NRXN2: variants seen among roughly 807,000 people sequenced by gnomAD.
NRXN2 encodes the protein neurexin-2-beta.
Under a neutral mutation model 128.8 loss-of-function variants are expected in NRXN2, and 29 were observed. The observed-to-expected ratio is 0.23, with a 90% CI of 0.17 to 0.31. The LOEUF is 0.31. NRXN2 is among the 10% of genes least tolerant of loss of function. The probability of loss-of-function intolerance (pLI) is 1.00; values close to 1 mark genes in which losing one functional copy is unlikely to be tolerated. For missense variants in NRXN2, 1,881 were observed against 2,452.6 expected (o/e 0.77, Z 4.92); for synonymous variants, 1,098 against 1,075.2 (o/e 1.02, Z -0.41).
In NRXN2 at chr11:64,714,972, G is replaced by A. The variant is rs1267678439; in HGVS notation, c.-244-1029C>T. ...TTTTGGGGAGGGAGGGAGAGAAGGA[G>A]GTGGGGAGAAGCCTGGGAGAGAAGC... On this transcript the variant is annotated intron_variant, in intron 1 of 22. Coordinates refer to ENST00000265459, the MANE Select transcript of NRXN2 (RefSeq NM_015080.4). The surrounding 1 kb of genome is among the most constrained non-coding windows in gnomAD (Gnocchi z 4.5). 2.0e-5 allele frequency among the ~76,000 whole-genome samples: 3 copies of A among 152,026 alleles called. No individual in the cohort carries two copies. Among genetic ancestry groups the A allele is most frequent in the South Asian group, 2.1e-4 (1 of 4,822 alleles).
chr11:64,654,719 G>T (rs1417012658), intron 11 of NRXN2, among the ~76,000 whole-genome samples: 1 of 152,216 alleles, frequency 6.6e-6, no homozygotes, highest in Admixed American at 6.5e-5. Flanking sequence ...CCAGATTTAA[G>T]GCCTTTAGGA....
At chr11:64,608,228 C>G (rs2040020877) in intron 22 of NRXN2, 146 bp from the exon 23 acceptor site, 1 of 690,472 alleles carries the variant, frequency 1.4e-6, no homozygotes, top group African/African-American at 1.8e-5. Flanking sequence ...TGGGCCCGCC[C>G]GCCAGCCGGC....
chr11:64,720,156 C>A (rs1241321452), intron 1 of NRXN2, among the ~76,000 whole-genome samples: 1 of 152,250 alleles, frequency 6.6e-6, no homozygotes, highest in Non-Finnish European at 1.5e-5. Flanking sequence ...CCTTCACCCT[C>A]ACCCCACCAT....
At chr11:64,715,669 A>G (rs1219296738) in intron 1 of NRXN2, among the ~76,000 whole-genome samples, 1 of 152,014 alleles carries the variant, frequency 6.6e-6, no homozygotes, top group African/African-American at 2.4e-5. Context: ...CCAGCTCCTG[A>G]CTGCTGCCCT....
At chr11:64,643,756 C>T (rs895650903) in intron 17 of NRXN2, among the ~76,000 whole-genome samples, 4 of 151,864 alleles carry the variant, frequency 2.6e-5, no homozygotes, top group African/African-American at 7.2e-5. Flanking sequence ...GCGCGCCCGC[C>T]CCTCCCCCGC....
rs760623636 is a variant in NRXN2, at chr11:64,620,277, G to T, written c.4252+17C>A. 37 of 1,545,620 alleles carry T rather than the reference G, an allele frequency of 2.4e-5. No individual in the cohort carries two copies. Among genetic ancestry groups the T allele is most frequent in the Non-Finnish European group, 3.1e-5 (35 of 1,142,256 alleles). On this transcript the variant is annotated intron_variant, in intron 22 of 22. Transcript: ENST00000265459. ...CGCAGAGGGACCCGGGGCAGGGGAG[G>T]GGGGAAAGGCACTCACCAGTACTGG...
At position 64,718,667 on chromosome 11, in the gene NRXN2, C is replaced by T. The variant is rs556388184; in HGVS notation, c.-245+4304G>A. 2.9e-3 allele frequency among the ~76,000 whole-genome samples: 442 copies of T among 152,184 alleles called. 2 individuals are homozygous for T. The highest frequency in any genetic ancestry group is 0.01 in the African/African-American group (424 of 41,512). ...AGAGAGGCTCGGTGTGGGGGAGGCTCTTGAATCATATGGAAGAGGACAGCA... is the reference window on the plus strand; with the variant it reads ...AGAGAGGCTCGGTGTGGGGGAGGCTTTTGAATCATATGGAAGAGGACAGCA... On this transcript the variant is annotated intron_variant, in intron 1 of 22. Transcript: ENST00000265459.
rs116480029 is a variant in NRXN2 at position 64,719,265 on chromosome 11, G to A, written c.-245+3706C>T. Among the ~76,000 whole-genome samples, 333 of 152,288 alleles carry A rather than the reference G, an allele frequency of 2.2e-3. 1 individual carries two copies. Among genetic ancestry groups the A allele is most frequent in the African/African-American group, 7.2e-3 (298 of 41,576 alleles). On this transcript the variant is annotated intron_variant, in intron 1 of 22. Coordinates refer to ENST00000265459, the MANE Select transcript of NRXN2 (RefSeq NM_015080.4). ...TATCACTGCCCCTTTTACAGATGAG[G>A]AAATAGATACTCAAAGGGGAGAAGG...
In NRXN2 at chr11:64,608,018, T is replaced by C; in HGVS notation, c.4317A>G (p.Arg1439=). Residue 1439 remains arginine, a synonymous_variant, in exon 23 of 23, where the codon CGA becomes CGG. Coordinates refer to ENST00000265459, the MANE Select transcript of NRXN2 (RefSeq NM_015080.4). The part of the protein sequence containing the change: ...DSLDPPPVAT[R]SPFVPPPPTF... ...TAGGGGGCGGGGGCACGAAGGGGGA[T>C]CGGGTGGCCACGGGAGGGGGGTCTA... The C allele has an allele frequency of 8.5e-7, 1 of 1,173,090 alleles. No homozygotes were observed. Among genetic ancestry groups the C allele is most frequent in the South Asian group, 1.3e-5 (1 of 79,030 alleles). 72.7% of individuals were successfully genotyped at this position (1,173,090 alleles called of 1,614,324 possible). A position where few individuals can be genotyped will look rare whatever the true frequency, so the allele number is the denominator to read the frequency against.
In NRXN2 at chr11:64,660,876, G is replaced by T; in HGVS notation, c.2062C>A (p.Arg688=). 6.2e-7 allele frequency: 1 copy of T among 1,613,654 alleles called. No homozygotes were observed. The highest frequency in any genetic ancestry group is 8.5e-7 in the Non-Finnish European group (1 of 1,179,726). Residue 688 remains arginine, a synonymous_variant, in exon 10 of 23, where the codon CGG becomes AGG. Transcript: ENST00000265459. The surrounding 1 kb of genome is among the most constrained non-coding windows in gnomAD (Gnocchi z 5.2). The part of the protein sequence containing the change: ...GAVGVAPFCS[R]ETLKQCASAP... ...GATGCACACTGCTTCAGCGTCTCCCGGGAGCAAAAGGGGGCAACGCCCACA... is the reference window on the plus strand; with the variant it reads ...GATGCACACTGCTTCAGCGTCTCCCTGGAGCAAAAGGGGGCAACGCCCACA...
chr11:64,688,046 A>G (rs920431015), intron 5 of NRXN2, among the ~76,000 whole-genome samples: 1 of 152,216 alleles, frequency 6.6e-6, no homozygotes, highest in Admixed American at 6.5e-5. Context: ...CAAAGAAAGT[A>G]TCATTAAAGA....
rs766016559 is a variant in NRXN2, at chr11:64,630,424, C to T, written c.3735G>A (p.Pro1245=). The part of the protein sequence containing the change: ...GNATLQVDSW[P]VNERYPAGNF... The stretch of plus-strand genomic sequence containing the variant: ...TACCTGCCGGGTACCGCTCGTTGAC[C>T]GGCCAGCTGTCCACCTGCAGGGTGG... Residue 1245 remains proline (P), a synonymous_variant, in exon 19 of 23, where the codon CCG becomes CCA. Transcript: ENST00000265459. This position sits in a 1 kb window ranked among gnomAD's most constrained non-coding sequence, Gnocchi z 4.6. 11 of 1,612,618 alleles carry T rather than the reference C, an allele frequency of 6.8e-6. No individual in the cohort carries two copies. In the African/African-American group the frequency reaches 8.0e-5, roughly 12 times the overall value.
chr11:64,645,932 C>T (rs541618741), intron 17 of NRXN2, among the ~76,000 whole-genome samples: 6 of 152,308 alleles, frequency 3.9e-5, no homozygotes, highest in South Asian at 4.1e-4. Flanking sequence ...GCTAACTGAA[C>T]GGGTCTCTCT....
In NRXN2 at chr11:64,608,041, C is replaced by G; in HGVS notation, c.4294G>C (p.Asp1432His). ...ILPIITEDSL[D>H]PPPVATRSPF... Reference sequence around the variant, plus strand: ...GATCGGGTGGCCACGGGAGGGGGGTCTAAGGAGTCCTCCGTGATAATGGGC... The same window carrying G: ...GATCGGGTGGCCACGGGAGGGGGGTGTAAGGAGTCCTCCGTGATAATGGGC... The change falls in exon 23 of 23, where the codon GAC (aspartate) becomes CAC (histidine). Residue 1432 changes from aspartate to histidine, a missense_variant. Around this residue, in one of 7 missense-constraint regions of NRXN2, gnomAD observed 310 missense variants for 318.2 expected, o/e 0.97. Transcript: ENST00000265459. 6.3e-7 allele frequency: 1 copy of G among 1,577,202 alleles called. No homozygotes were observed. Among genetic ancestry groups the G allele is most frequent in the Non-Finnish European group, 8.6e-7 (1 of 1,169,060 alleles).
rs1397400009 is a variant in NRXN2 at position 64,606,452 on chromosome 11, C to A, written c.*744G>T. 1.5e-5 allele frequency: 2 copies of A among 134,880 alleles called. No homozygotes were observed. The highest frequency in any genetic ancestry group is 2.7e-5 in the African/African-American group (1 of 37,002). 8.4% of individuals were successfully genotyped at this position (134,880 alleles called of 1,614,324 possible). A position where few individuals can be genotyped will look rare whatever the true frequency, so the allele number is the denominator to read the frequency against. On this transcript the variant is annotated 3_prime_UTR_variant, in exon 23 of 23. Transcript: ENST00000265459. ...TGCCTTTCCCCTCCCTCCCACCCCC[C>A]ACCCCTGCTCCTCCAGCAGCTTCCC...
chr11:64,667,562 T>C lies in NRXN2; in HGVS notation c.1486A>G (p.Thr496Ala), dbSNP rs777590061. 4 of 1,613,910 alleles carry C rather than the reference T, an allele frequency of 2.5e-6. No individual in the cohort carries two copies. In the African/African-American group the frequency reaches 4.0e-5, roughly 16 times the overall value. Residue 496 changes from threonine to alanine, a missense_variant, in exon 9 of 23, where the codon ACC becomes GCC. Physicochemically the swap from Thr to Ala is moderately conservative, Grantham distance 58. Coordinates refer to ENST00000265459, the MANE Select transcript of NRXN2 (RefSeq NM_015080.4). This position sits in a 1 kb window ranked among gnomAD's most constrained non-coding sequence, Gnocchi z 5.6. The part of the protein sequence containing the change: ...CEDVAALDPV[T>A]FESPEAFVAL... ...ACAAAGGCCTCGGGACTCTCAAAGG[T>C]CACAGGGTCCAGGGCAGCCACATCC...
intron 1 of NRXN2, among the ~76,000 whole-genome samples, chr11:64,718,397 C>T (rs957160089): frequency 2.6e-5 from 4 of 152,212 alleles, no homozygotes; most frequent in Non-Finnish European, 5.9e-5. Context: ...GGGAGTGAGA[C>T]AGCAGGGGCC....
At chr11:64,633,424 G>T (rs922221615) in intron 18 of NRXN2, among the ~76,000 whole-genome samples, 9 of 152,136 alleles carry the variant, frequency 5.9e-5, no homozygotes, top group African/African-American at 7.2e-5. Flanking sequence ...TCCATAGATG[G>T]GCTAACTGAG....
Position 64,626,481 on chromosome 11 carries a change from C to A in NRXN2, c.3829G>T (p.Glu1277Ter), listed in dbSNP as rs2043083201. 6.2e-7 allele frequency: 1 copy of A among 1,612,614 alleles called. No homozygotes were observed. Among genetic ancestry groups the A allele is most frequent in the Non-Finnish European group, 8.5e-7 (1 of 1,178,622 alleles). ...IPYRLGRVVD[E>*]WLLDKGRQLT... ...TAATTACCTTTGTCGAGCAGCCACT[C>A]ATCTACTACTCGACCAAGCCGGTAG... The change falls in exon 20 of 23, where the codon GAG becomes TAG. Residue 1277 changes from glutamate to a stop codon, truncating the protein, a stop_gained. Coordinates refer to ENST00000265459, the MANE Select transcript of NRXN2 (RefSeq NM_015080.4). LOFTEE classifies it high-confidence loss of function.
Sources: gnomAD v4.1 joint callset for allele counts (sites outside exome capture counted in the v4.1 genomes callset) on GRCh38, gnomAD v4.1.1 for gene constraint, gnomAD v4.1.1 regional missense constraint, Gnocchi (gnomAD v3.1) non-coding constraint, MANE v1.5 for transcripts, NCBI Gene and HGNC (gene_info 2026-07-23, HGNC 2026-07-21) for gene names.